Variants in NRXN2 observed in about 807,000 individuals in gnomAD.
NRXN2 encodes the protein neurexin 2.
A neutral mutation model predicts 128.8 loss-of-function variants in NRXN2; 29 were observed. The ratio of observed to expected loss-of-function variants is 0.23; its 90% CI spans 0.17 to 0.31. The LOEUF (loss-of-function observed/expected upper bound fraction) is 0.31. NRXN2 is among the 10% of genes least tolerant of loss of function. The pLI, the probability that NRXN2 is intolerant of heterozygous loss-of-function variation, is 1.00. For missense variants in NRXN2, 1,881 were observed against 2,452.6 expected (o/e 0.77, Z 4.92); for synonymous variants, 1,098 against 1,075.2 (o/e 1.02, Z -0.41).
chr11:64,625,180 C>G (rs532905876), intron 20 of NRXN2, among the ~76,000 whole-genome samples: 1 of 152,242 alleles, frequency 6.6e-6, no homozygotes, highest in African/African-American at 2.4e-5. Flanking sequence ...CCCCCACCCC[C>G]CAACAGGGCC....
chr11:64,668,569 T>A lies in NRXN2; in HGVS notation c.1233A>T (p.Thr411=). Reference sequence around the variant, plus strand: ...TGGTGTAATCCTCCTGCGTGTAGCCTGTGGTGGTCAGGATCCCGTCCACCG... The same window carrying A: ...TGGTGTAATCCTCCTGCGTGTAGCCAGTGGTGGTCAGGATCCCGTCCACCG... The part of the protein sequence containing the change: ...TISVDGILTT[T]GYTQEDYTML... The change falls in exon 8 of 23, where the codon ACA becomes ACT. Residue 411 remains threonine (T), a synonymous_variant. Coordinates refer to ENST00000265459, the MANE Select transcript of NRXN2 (RefSeq NM_015080.4). 6.2e-7 allele frequency: 1 copy of A among 1,613,118 alleles called. No homozygotes were observed. The highest frequency in any genetic ancestry group is 8.5e-7 in the Non-Finnish European group (1 of 1,179,722).
chr11:64,696,528 TACACAC>T lies in NRXN2; in HGVS notation c.748+1241_748+1246del, dbSNP rs58158687. On this transcript the variant is annotated intron_variant, in intron 3 of 22. Transcript: ENST00000265459. ...ACATACATACCCACACATACATACA[TACACAC>T]ACACACACACACACACACACACACA... 1.1e-3 allele frequency among the ~76,000 whole-genome samples: 158 copies of T among 138,858 alleles called. 1 individual carries two copies. Among genetic ancestry groups the T allele is most frequent in the African/African-American group, 4.0e-3 (151 of 37,714 alleles). The allele number at this position is 138,858 out of a possible 152,430, so 91.1% of individuals were successfully genotyped here. A position where few individuals can be genotyped will look rare whatever the true frequency, so the allele number is the denominator to read the frequency against.
intron 4 of NRXN2, 51 bp downstream of exon 4, chr11:64,692,796 C>T (rs1038363573): frequency 8.7e-6 from 14 of 1,610,062 alleles, no homozygotes; most frequent in Middle Eastern, 1.6e-4. Flanking sequence ...AAAATCCAGG[C>T]GCAGGTTGGG....
intron 22 of NRXN2, among the ~76,000 whole-genome samples, chr11:64,619,906 TG>T (rs1039206359): frequency 6.6e-6 from 1 of 152,086 alleles, no homozygotes; most frequent in African/African-American, 2.4e-5. Context: ...CAGGGGCAGG[TG>T]GGAGTTGTGG....
rs61884410 is a variant in NRXN2 at position 64,667,109 on chromosome 11, G to A, written c.1798+141C>T. 1,407 of 856,600 alleles carry A rather than the reference G, an allele frequency of 1.6e-3. 5 individuals are homozygous for A. The highest frequency in any genetic ancestry group is 2.3e-3 in the Non-Finnish European group (1,216 of 528,592). The allele number at this position is 856,600 out of a possible 1,614,324, so 53.1% of individuals were successfully genotyped here. Reference sequence around the variant, plus strand: ...TGACAGAAAGGACAATTGGGAAGACGTGAGGGGGGTGGAGGAGAAGCGGCA... The same window carrying A: ...TGACAGAAAGGACAATTGGGAAGACATGAGGGGGGTGGAGGAGAAGCGGCA... On this transcript the variant is annotated intron_variant, in intron 9 of 22. Coordinates refer to ENST00000265459, the MANE Select transcript of NRXN2 (RefSeq NM_015080.4). The surrounding 1 kb of genome is among the most constrained non-coding windows in gnomAD (Gnocchi z 5.6).
At chr11:64,644,028 T>G (rs1284605529) in intron 17 of NRXN2, among the ~76,000 whole-genome samples, 3 of 151,976 alleles carry the variant, frequency 2.0e-5, no homozygotes, top group Non-Finnish European at 4.4e-5. Context: ...ATGGGCACAG[T>G]GTGCGGGTAG....
At chr11:64,643,004 G>A (rs946419366) in intron 17 of NRXN2, 1 of 1,008,182 alleles carries the variant, frequency 9.9e-7, no homozygotes, top group Non-Finnish European at 1.2e-6. Context: ...CCGCGGAGCG[G>A]CAACGCCAAG....
chr11:64,652,218 A>C, intron 12 of NRXN2, 64 bp from the exon 13 acceptor site: 1 of 1,550,122 alleles, frequency 6.5e-7, no homozygotes. Flanking sequence ...TTCCTATATC[A>C]CCTTGGATAC....
intron 8 of NRXN2, 36 bp downstream of exon 8, chr11:64,668,407 C>A: frequency 6.2e-7 from 1 of 1,611,190 alleles, no homozygotes; most frequent in South Asian, 1.1e-5. Flanking sequence ...CAAAGGGCTC[C>A]TGAACAGCCT....
chr11:64,716,259 A>G (rs890767031), intron 1 of NRXN2, among the ~76,000 whole-genome samples: 3 of 151,978 alleles, frequency 2.0e-5, no homozygotes, highest in Non-Finnish European at 4.4e-5. Flanking sequence ...AGTCATCCCC[A>G]AGCTCAGAAC....
At chr11:64,639,302 C>T (rs1377765659) in intron 17 of NRXN2, among the ~76,000 whole-genome samples, 1 of 152,140 alleles carries the variant, frequency 6.6e-6, no homozygotes. Flanking sequence ...CACAGCCTTT[C>T]AATTCCTAAC....
At chr11:64,661,778 A>G (rs535695032) in intron 9 of NRXN2, among the ~76,000 whole-genome samples, 2 of 152,316 alleles carry the variant, frequency 1.3e-5, no homozygotes, top group South Asian at 4.1e-4. Context: ...GAAGGAACAC[A>G]GCCAAAGTAT....
chr11:64,620,351 C>A lies in NRXN2; in HGVS notation c.4195G>T (p.Ala1399Ser). The A allele has an allele frequency of 1.3e-6, 2 of 1,554,038 alleles. No homozygotes were observed. Among genetic ancestry groups the A allele is most frequent in the Non-Finnish European group, 1.7e-6 (2 of 1,148,240 alleles). The change falls in exon 22 of 23, where the codon GCC becomes TCC. Residue 1399 changes from alanine (A) to serine (S), a missense_variant. By Grantham distance (99) the Ala-to-Ser change is moderately conservative (BLOSUM62 1). Around this residue, in one of 7 missense-constraint regions of NRXN2, gnomAD observed 108 missense variants for 165.2 expected, o/e 0.65. Transcript: ENST00000265459. ...TCATCGCTTGGACACTCAGCAGAGG[C>A]CACCAGCAGGTCATCTGTGTTCTGA... ...TTQNTDDLLV[A>S]SAECPSDDED... is the part of the protein sequence containing the mutation.
At chr11:64,624,259 A>G (rs1403633214) in intron 20 of NRXN2, among the ~76,000 whole-genome samples, 1 of 152,096 alleles carries the variant, frequency 6.6e-6, no homozygotes, top group Non-Finnish European at 1.5e-5. Flanking sequence ...GAAGCCCACA[A>G]CCTCTTTGGA....
intron 2 of NRXN2, among the ~76,000 whole-genome samples, chr11:64,712,500 C>T (rs1365958801): frequency 6.6e-6 from 1 of 152,034 alleles, no homozygotes; most frequent in Non-Finnish European, 1.5e-5. Context: ...ACTCACCACC[C>T]CTCACGGCCT....
intron 1 of NRXN2, among the ~76,000 whole-genome samples, chr11:64,717,942 C>A (rs1381195074): frequency 2.0e-5 from 3 of 152,180 alleles, no homozygotes; most frequent in African/African-American, 7.2e-5. Flanking sequence ...TCAGGTGCCC[C>A]ACTCTAAAGC....
chr11:64,630,273 T>G lies in NRXN2; in HGVS notation c.3757+129A>C. 1 of 850,596 alleles carries G rather than the reference T, an allele frequency of 1.2e-6. No individual in the cohort carries two copies. Among genetic ancestry groups the G allele is most frequent in the Non-Finnish European group, 1.7e-6 (1 of 573,256 alleles). 52.7% of individuals were successfully genotyped at this position (850,596 alleles called of 1,614,324 possible). ...CGCCTCGCAAGCTTCGTCTCTCCAG[T>G]AGCCCCGCCCCAGAGCCGCTTAGCC... On this transcript the variant is annotated intron_variant, in intron 19 of 22. Coordinates refer to ENST00000265459, the MANE Select transcript of NRXN2 (RefSeq NM_015080.4). This position sits in a 1 kb window ranked among gnomAD's most constrained non-coding sequence, Gnocchi z 4.6.
chr11:64,699,134 A>G (rs770391476), intron 2 of NRXN2, among the ~76,000 whole-genome samples: 105 of 152,332 alleles, frequency 6.9e-4, no homozygotes, highest in South Asian at 1.9e-3. Flanking sequence ...GTCATTTGTC[A>G]TACCTTATAC....
intron 17 of NRXN2, among the ~76,000 whole-genome samples, chr11:64,647,241 G>T (rs913774215): frequency 6.6e-5 from 10 of 151,466 alleles, no homozygotes; most frequent in African/African-American, 2.4e-4. Context: ...GTGTGTGCAT[G>T]TGTGTGTGCG....
Sources: gnomAD v4.1 joint callset for allele counts (sites outside exome capture counted in the v4.1 genomes callset) on GRCh38, gnomAD v4.1.1 for gene constraint, gnomAD v4.1.1 regional missense constraint, Gnocchi (gnomAD v3.1) non-coding constraint, MANE v1.5 for transcripts, NCBI Gene and HGNC (gene_info 2026-07-23, HGNC 2026-07-21) for gene names.